Variants in TRPM3 observed in about 807,000 individuals in gnomAD.
The protein encoded by TRPM3 is transient receptor potential cation channel subfamily M member 3.
TRPM3 carries 77 observed loss-of-function variants against 181.2 expected under a neutral mutation model. The observed-to-expected ratio is 0.42, with a 90% CI of 0.35 to 0.51. The LOEUF (loss-of-function observed/expected upper bound fraction) is 0.51, where lower values mean the gene tolerates loss of function less well. Among genes scored for constraint, TRPM3 ranks in the 20% least tolerant of loss-of-function variants. The pLI is 0.01. For synonymous variants in TRPM3, 745 were observed against 796.4 expected, an observed-to-expected ratio of 0.94 and a Z score of 1.09; for missense variants, 1,759 against 2,196.7, an observed-to-expected ratio of 0.80 and a Z score of 3.98.
At chr9:70,827,747 T>C in intron 6 of TRPM3, 100 bp downstream of exon 6, 1 of 1,415,382 alleles carries the variant, frequency 7.1e-7, no homozygotes, top group Non-Finnish European at 9.6e-7. Context: ...TGTTTAAAAC[T>C]TGCTCAAGTT....
chr9:70,611,378 C>A (rs2061976012), intron 18 of TRPM3, among the ~76,000 whole-genome samples: 1 of 152,082 alleles, frequency 6.6e-6, no homozygotes, highest in African/African-American at 2.4e-5. Context: ...GGGCAGTTTC[C>A]CCCATGCTGT....
chr9:70,654,424 A>G (rs888391908), intron 9 of TRPM3, among the ~76,000 whole-genome samples: 2 of 152,058 alleles, frequency 1.3e-5, no homozygotes, highest in African/African-American at 4.8e-5. Flanking sequence ...CAGGAAATGC[A>G]TACAAGGGCT....
intron 1 of TRPM3, among the ~76,000 whole-genome samples, chr9:71,146,792 A>G (rs2075432290): frequency 6.6e-6 from 1 of 152,300 alleles, no homozygotes; most frequent in South Asian, 2.1e-4. Flanking sequence ...GCTTTTCATA[A>G]TTTATTAATA....
intron 8 of TRPM3, among the ~76,000 whole-genome samples, chr9:70,693,624 A>G (rs1385067594): frequency 6.6e-6 from 1 of 152,168 alleles, no homozygotes; most frequent in Non-Finnish European, 1.5e-5. Flanking sequence ...GAGTGTCATG[A>G]AGGTATCATA....
chr9:71,385,057 G>A (rs1202818173), intron 1 of TRPM3, among the ~76,000 whole-genome samples: 1 of 151,976 alleles, frequency 6.6e-6, no homozygotes, highest in Non-Finnish European at 1.5e-5. Context: ...TCCTCCTTTA[G>A]CGAATGAAAA....
intron 1 of TRPM3, among the ~76,000 whole-genome samples, chr9:71,177,342 CA>C (rs1299816254): frequency 1.3e-5 from 2 of 152,088 alleles, no homozygotes; most frequent in East Asian, 3.9e-4. Context: ...TGAATCATCC[CA>C]AAACCATCCC....
chr9:71,035,329 T>C (rs1184507873), intron 1 of TRPM3, among the ~76,000 whole-genome samples: 3 of 152,178 alleles, frequency 2.0e-5, no homozygotes, highest in Non-Finnish European at 4.4e-5. Context: ...ACTCCCACAA[T>C]CTAGAAGCTA....
intron 1 of TRPM3, among the ~76,000 whole-genome samples, chr9:71,116,546 A>G (rs2072425076): frequency 1.3e-5 from 2 of 152,186 alleles, no homozygotes; most frequent in Non-Finnish European, 2.9e-5. Flanking sequence ...TAGAAAGAAC[A>G]TTGGTTATCA....
intron 1 of TRPM3, among the ~76,000 whole-genome samples, chr9:71,331,106 A>G (rs1238810723): frequency 6.6e-6 from 1 of 151,976 alleles, no homozygotes; most frequent in Non-Finnish European, 1.5e-5. Flanking sequence ...TTGATCTTAA[A>G]GAATATTAGT....
chr9:70,847,264 T>C (rs1463909278), intron 3 of TRPM3, among the ~76,000 whole-genome samples: 1 of 152,162 alleles, frequency 6.6e-6, no homozygotes, highest in Non-Finnish European at 1.5e-5. Flanking sequence ...TGAAATACTA[T>C]AAATACATGC....
intron 1 of TRPM3, among the ~76,000 whole-genome samples, chr9:71,086,221 A>C (rs1023299285): frequency 2.6e-5 from 4 of 151,934 alleles, no homozygotes; most frequent in Non-Finnish European, 5.9e-5. Flanking sequence ...GGAGGAGGGC[A>C]AGGTTTGAAA....
chr9:70,892,454 C>T (rs2096220844), intron 1 of TRPM3, among the ~76,000 whole-genome samples: 1 of 152,036 alleles, frequency 6.6e-6, no homozygotes, highest in African/African-American at 2.4e-5. Context: ...ATTATTTTCA[C>T]AGCTGTGCAA....
intron 1 of TRPM3, among the ~76,000 whole-genome samples, chr9:70,976,493 G>T (rs1160559870): frequency 1.3e-5 from 2 of 152,234 alleles, no homozygotes; most frequent in Non-Finnish European, 2.9e-5. Flanking sequence ...CTAGACAGTA[G>T]AGGTGTTCTT....
chr9:71,318,864 A>G (rs1047401149), intron 1 of TRPM3, among the ~76,000 whole-genome samples: 3 of 152,134 alleles, frequency 2.0e-5, no homozygotes, highest in Non-Finnish European at 1.5e-5. Flanking sequence ...AAGCTAACGA[A>G]CATTTGCATT....
chr9:70,771,393 CTT>C (rs1177879555), intron 7 of TRPM3, among the ~76,000 whole-genome samples: 1 of 152,108 alleles, frequency 6.6e-6, no homozygotes, highest in East Asian at 1.9e-4. Context: ...TCAGGCTTCT[CTT>C]GTTTGTTATT....
rs533448696 is a variant in TRPM3 at position 71,115,531 on chromosome 9, G to C, written c.177+5647C>G. Among the ~76,000 whole-genome samples, 10 of 152,344 alleles carry C rather than the reference G, an allele frequency of 6.6e-5. No individual in the cohort carries two copies. The South Asian group carries it at 1.9e-3, about 28-fold the overall frequency. On this transcript the variant is annotated intron_variant, in intron 1 of 25. Transcript: ENST00000677713. ...TGATCTGAAAATTAATTTGGAGCCA[G>C]TTGAGGATACACCAACAGAAGAGCA...
At chr9:71,219,496 C>A (rs2080102307) in intron 1 of TRPM3, among the ~76,000 whole-genome samples, 1 of 152,140 alleles carries the variant, frequency 6.6e-6, no homozygotes, top group Non-Finnish European at 1.5e-5. Flanking sequence ...AGTTGCCATG[C>A]ATAAGCCAAT....
chr9:71,114,289 T>A (rs182171334), intron 1 of TRPM3, among the ~76,000 whole-genome samples: 1 of 152,262 alleles, frequency 6.6e-6, no homozygotes, highest in East Asian at 1.9e-4. Context: ...AGATCTGAAT[T>A]CCGAAAGGCT....
intron 1 of TRPM3, among the ~76,000 whole-genome samples, chr9:71,333,104 T>C (rs1189536560): frequency 4.6e-5 from 7 of 151,822 alleles, no homozygotes; most frequent in Non-Finnish European, 7.4e-5. Context: ...CAAATATTTC[T>C]ATAAAAAAGA....
Sources: gnomAD v4.1 joint callset for allele counts (sites outside exome capture counted in the v4.1 genomes callset) on GRCh38, gnomAD v4.1.1 for gene constraint, MANE v1.5 for transcripts, NCBI Gene and HGNC (gene_info 2026-07-23, HGNC 2026-07-21) for gene names.